Variants in ITIH6 observed in about 807,000 individuals in gnomAD.
ITIH6 encodes inter-alpha-trypsin inhibitor heavy chain family member 6, also known as inter-alpha-trypsin inhibitor heavy chain H6.
Under a neutral mutation model 58.2 loss-of-function variants are expected in ITIH6, and 60 were observed. The ratio of observed to expected loss-of-function variants is 1.03; its 90% confidence interval spans 0.84 to 1.28. The LOEUF (loss-of-function observed/expected upper bound fraction) is 1.28. Among genes scored for constraint, ITIH6 ranks in the 50% most tolerant of loss-of-function variants. The pLI is 0.00. For synonymous variants in ITIH6, 493 were observed against 417.4 expected, an observed-to-expected ratio of 1.18 and a Z score of -2.21; for missense variants, 1,290 against 1,021.1, an observed-to-expected ratio of 1.26 and a Z score of -3.59.
At chrX:54,784,321 G>A (rs369255161) in intron 5 of ITIH6, among the ~76,000 whole-genome samples, 19 of 111,723 alleles carry the variant, frequency 1.7e-4, no homozygotes, top group Middle Eastern at 4.6e-3. Context: ...ACAAGCAACC[G>A]TAGTAAAAGT....
Position 54,794,470 on chromosome X carries a change from T to G in ITIH6, c.258-2434A>C, listed in dbSNP as rs972819271. Among the ~76,000 whole-genome samples, 8 of 111,341 alleles carry G rather than the reference T, an allele frequency of 7.2e-5. No individual in the cohort carries two copies. In the Admixed American group the frequency reaches 7.6e-4, roughly 11 times the overall value. On this transcript the variant is annotated intron_variant, in intron 2 of 12. Transcript: ENST00000218436. ...ACCCACGCCTGCTCTTTTTGGTCCT[T>G]GATTCCCCTGGGTCCCAACATGCAA...
intron 6 of ITIH6, among the ~76,000 whole-genome samples, chrX:54,766,255 C>T (rs747877820): frequency 0.051 from 5,264 of 104,153 alleles, 378 homozygotes; most frequent in African/African-American, 0.18. Context: ...TGAGACTTTG[C>T]TGAAGTTGCT....
chrX:54,762,314 C>CT (rs1374417804), intron 6 of ITIH6, among the ~76,000 whole-genome samples: 1 of 111,562 alleles, frequency 9.0e-6, no homozygotes, highest in Non-Finnish European at 1.9e-5. Flanking sequence ...GCTGAAGTTG[C>CT]TTATCAGCTT....
intron 2 of ITIH6, among the ~76,000 whole-genome samples, chrX:54,793,129 CT>C (rs998272594): frequency 2.7e-5 from 3 of 110,075 alleles, no homozygotes; most frequent in Admixed American, 9.7e-5. Flanking sequence ...CATCCAATTT[CT>C]TTTTTTTTAA....
chrX:54,760,147 G>A (rs1409798328), intron 6 of ITIH6, among the ~76,000 whole-genome samples: 1 of 111,974 alleles, frequency 8.9e-6, no homozygotes, highest in African/African-American at 3.2e-5. Flanking sequence ...GTCACATGTA[G>A]CTACTTATAT....
At chrX:54,784,943 TAA>T (rs896681041) in intron 5 of ITIH6, among the ~76,000 whole-genome samples, 2 of 111,821 alleles carry the variant, frequency 1.8e-5, no homozygotes, top group African/African-American at 6.5e-5. Context: ...GGAGACAACC[TAA>T]GTGTTCATCA....
At chrX:54,753,413 T>C (rs1223387556) in intron 11 of ITIH6, among the ~76,000 whole-genome samples, 1 of 112,135 alleles carries the variant, frequency 8.9e-6, no homozygotes, top group Non-Finnish European at 1.9e-5. Flanking sequence ...TTTTTGAAGT[T>C]CCATCATATT....
intron 5 of ITIH6, among the ~76,000 whole-genome samples, chrX:54,782,095 G>A (rs771845982): frequency 1.3e-3 from 141 of 111,137 alleles, no homozygotes; most frequent in African/African-American, 4.5e-3. Context: ...ACCCTCTGGA[G>A]GGTGGTAGGA....
At chrX:54,761,378 T>G (rs1366155990) in intron 6 of ITIH6, among the ~76,000 whole-genome samples, 53 of 111,418 alleles carry the variant, frequency 4.8e-4, no homozygotes, top group African/African-American at 2.0e-4. Context: ...TTTCTCCCAT[T>G]TTGTAGGTTG....
At chrX:54,760,506 T>C (rs1446414560) in intron 6 of ITIH6, among the ~76,000 whole-genome samples, 3 of 111,534 alleles carry the variant, frequency 2.7e-5, no homozygotes, top group Non-Finnish European at 5.6e-5. Context: ...TTGTTACATA[T>C]GTATACATGT....
At chrX:54,785,966 C>T (rs138533575) in intron 5 of ITIH6, among the ~76,000 whole-genome samples, 2,068 of 111,343 alleles carry the variant, frequency 0.019, 37 homozygotes, top group African/African-American at 0.062. Context: ...AATCACTCTG[C>T]ATCTCTTCTC....
rs186712607 is a variant in ITIH6, at chrX:54,779,645, A to G, written c.787-5448T>C. ...AAAAAAAGGATGAGCAGACCACAAAAAGTAGGAAAACCAATAACAAAATGG... is the reference window on the plus strand; with the variant it reads ...AAAAAAAGGATGAGCAGACCACAAAGAGTAGGAAAACCAATAACAAAATGG... On this transcript the variant is annotated intron_variant, in intron 5 of 12. Coordinates refer to ENST00000218436, the MANE Select transcript of ITIH6 (RefSeq NM_198510.3). Among the ~76,000 whole-genome samples, 3 of 111,408 alleles carry G rather than the reference A, an allele frequency of 2.7e-5. No homozygotes were observed. The East Asian group carries it at 8.4e-4, about 31-fold the overall frequency.
chrX:54,754,031 C>G (rs1761868881), intron 9 of ITIH6, 66 bp from the exon 10 acceptor site: 1 of 1,086,287 alleles, frequency 9.2e-7, no homozygotes, highest in Non-Finnish European at 1.3e-6. Context: ...AATTCTGGGA[C>G]ATACTCCCAG....
At chrX:54,772,267 T>C (rs887673064) in intron 6 of ITIH6, among the ~76,000 whole-genome samples, 3 of 112,420 alleles carry the variant, frequency 2.7e-5, no homozygotes, top group Non-Finnish European at 5.6e-5. Context: ...CAATGCTACA[T>C]ATTCTCACTT....
chrX:54,767,139 T>A (rs1339282115), intron 6 of ITIH6, among the ~76,000 whole-genome samples: 1 of 109,473 alleles, frequency 9.1e-6, no homozygotes, highest in African/African-American at 3.4e-5. Context: ...CGTCGAGGAA[T>A]GTATCCATTT....
intron 11 of ITIH6, among the ~76,000 whole-genome samples, chrX:54,752,413 T>A (rs1469931784): frequency 8.9e-6 from 1 of 112,002 alleles, no homozygotes; most frequent in Non-Finnish European, 1.9e-5. Context: ...AAGGACAATG[T>A]CCTAAAGAAA....
In ITIH6 at chrX:54,758,499, G is replaced by A. The variant is rs1456218410; in HGVS notation, c.1575C>T (p.Pro525=). The change falls in exon 8 of 13, where the codon CCC becomes CCT. Residue 525 remains proline (P), a synonymous_variant. Coordinates refer to ENST00000218436, the MANE Select transcript of ITIH6 (RefSeq NM_198510.3). Reference sequence around the variant, plus strand: ...GGTGGGCCACAAGAAGCTGATCCTTGGGGCCACGGGCTGCCAGGTGGATGC... The same window carrying A: ...GGTGGGCCACAAGAAGCTGATCCTTAGGGCCACGGGCTGCCAGGTGGATGC... ...ELGIHLAARG[P]KDQLLVAHHS... is the part of the protein sequence containing the mutation. The A allele has an allele frequency of 8.3e-7, 1 of 1,210,374 alleles. No individual in the cohort carries two copies. Among genetic ancestry groups the A allele is most frequent in the Admixed American group, 2.2e-5 (1 of 45,960 alleles).
At position 54,764,062 on chromosome X, in the gene ITIH6, CT is replaced by C. The variant is rs905636502; in HGVS notation, c.904-4136del. Among the ~76,000 whole-genome samples, 20 of 111,661 alleles carry C rather than the reference CT, an allele frequency of 1.8e-4. No homozygotes were observed. In the Admixed American group the frequency reaches 1.8e-3, roughly 10 times the overall value. On this transcript the variant is annotated intron_variant, in intron 6 of 12. Coordinates refer to ENST00000218436, the MANE Select transcript of ITIH6 (RefSeq NM_198510.3). ...TGGTATATCTTTCTCTATCCCTTTG[CT>C]TTTGATTTATCTGCATCTTTATATT... is the stretch of plus-strand genomic sequence containing the variant.
At chrX:54,783,788 T>C (rs752661298) in intron 5 of ITIH6, among the ~76,000 whole-genome samples, 1 of 111,600 alleles carries the variant, frequency 9.0e-6, no homozygotes, top group Non-Finnish European at 1.9e-5. Flanking sequence ...TTCAAAGCAA[T>C]CCCTATCAAA....
Sources: allele counts gnomAD v4.1 joint callset (sites outside exome capture counted in the v4.1 genomes callset), GRCh38; gene constraint gnomAD v4.1.1; transcripts MANE v1.5; gene names NCBI Gene and HGNC (gene_info 2026-07-23, HGNC 2026-07-21).